The following ST6GAL1 variants were observed in gnomAD, a reference collection of about 807,000 sequenced individuals.
The protein encoded by ST6GAL1 is ST6 beta-galactoside alpha-2,6-sialyltransferase 1, also known as beta-galactoside alpha-2,6-sialyltransferase 1.
ST6GAL1 carries 20 observed loss-of-function variants against 38.0 expected under a neutral mutation model. That is an observed-to-expected ratio of 0.53 (90% CI 0.37 to 0.77). The LOEUF (loss-of-function observed/expected upper bound fraction) is 0.77. Ranked by LOEUF, ST6GAL1 falls within the 30% of genes least tolerant of loss-of-function variation. ST6GAL1 has a pLI of 0.00. For missense variants in ST6GAL1, 432 were observed against 496.4 expected, an observed-to-expected ratio of 0.87 and a Z score of 1.23; for synonymous variants, 196 against 188.2, an observed-to-expected ratio of 1.04 and a Z score of -0.34.
At chr3:187,055,901 T>A (rs921639666) in intron 5 of ST6GAL1, among the ~76,000 whole-genome samples, 3 of 152,162 alleles carry the variant, frequency 2.0e-5, no homozygotes, top group Non-Finnish European at 4.4e-5. Flanking sequence ...ATATTGACAG[T>A]GGGGTGTTGA....
intron 5 of ST6GAL1, among the ~76,000 whole-genome samples, chr3:187,066,826 G>A (rs982399555): frequency 3.3e-5 from 5 of 152,120 alleles, no homozygotes; most frequent in South Asian, 4.2e-4. Context: ...CCCCCTAAGA[G>A]GATCTCCAAA....
chr3:186,977,887 G>C (rs1209107317), intron 2 of ST6GAL1, among the ~76,000 whole-genome samples: 1 of 152,224 alleles, frequency 6.6e-6, no homozygotes, highest in African/African-American at 2.4e-5. Context: ...CCTTTGAAGT[G>C]AATGGGACTT....
chr3:187,008,347 GAGAAAGAAAGA>G (rs1716848650), intron 2 of ST6GAL1, among the ~76,000 whole-genome samples: 1 of 150,652 alleles, frequency 6.6e-6, no homozygotes, highest in South Asian at 2.1e-4. Flanking sequence ...TCAAGAAAGA[GAGAAAGAAAGA>G]AAAAAGAGAA....
Position 187,075,774 on chromosome 3 carries a change from C to A in ST6GAL1, c.1192C>A (p.Leu398Met). 1.2e-6 allele frequency: 2 copies of A among 1,614,258 alleles called. No homozygotes were observed. Among genetic ancestry groups the A allele is most frequent in the Non-Finnish European group, 1.7e-6 (2 of 1,180,038 alleles). ...EDIYLLGKAT[L>M]PGFRTIHC is the part of the protein sequence containing the mutation. ...CATCTACCTGCTTGGAAAAGCCACA[C>A]TGCCTGGCTTCCGGACCATTCACTG... is the stretch of plus-strand genomic sequence containing the variant. The change falls in exon 8 of 8, where the codon CTG (leucine) becomes ATG (methionine). Residue 398 changes from leucine to methionine, a missense_variant. Coordinates refer to ENST00000169298, the MANE Select transcript of ST6GAL1 (RefSeq NM_173216.2). The surrounding 1 kb of genome is among the most constrained non-coding windows in gnomAD (Gnocchi z 4.1).
chr3:186,940,095 C>T (rs1714111685), intron 1 of ST6GAL1, among the ~76,000 whole-genome samples: 2 of 152,208 alleles, frequency 1.3e-5, no homozygotes, highest in Admixed American at 6.5e-5. Context: ...TATTTCAAGA[C>T]CTGGACTGTG....
At chr3:186,993,149 G>A (rs1423827232) in intron 2 of ST6GAL1, among the ~76,000 whole-genome samples, 3 of 152,186 alleles carry the variant, frequency 2.0e-5, no homozygotes, top group African/African-American at 4.8e-5. Flanking sequence ...GCCTTTGCAG[G>A]TACTCGATAA....
At chr3:187,054,219 TA>T (rs1718612036) in intron 5 of ST6GAL1, among the ~76,000 whole-genome samples, 1 of 152,204 alleles carries the variant, frequency 6.6e-6, no homozygotes, top group South Asian at 2.1e-4. Context: ...TGGGTTTTTC[TA>T]AATATACAAT....
At chr3:186,998,260 A>G (rs1297909395) in intron 2 of ST6GAL1, among the ~76,000 whole-genome samples, 1 of 152,234 alleles carries the variant, frequency 6.6e-6, no homozygotes, top group Non-Finnish European at 1.5e-5. Context: ...AAATCCACGT[A>G]TAACTTTTGA....
chr3:187,076,943 ACC>A lies in ST6GAL1; in HGVS notation c.*1141_*1142del, dbSNP rs1229351355. ...ACCAGTCCCATTCTTCCTTTTCAAT[ACC>A]TACCCCCAAATCTTCTCCTAACCAC... On this transcript the variant is annotated 3_prime_UTR_variant, in exon 8 of 8. Transcript: ENST00000169298. 62 of 395,178 alleles carry A rather than the reference ACC, an allele frequency of 1.6e-4. No homozygotes were observed. In the East Asian group the frequency reaches 1.7e-3, roughly 11 times the overall value. The allele number at this position is 395,178 out of a possible 1,614,324, so 24.5% of individuals were successfully genotyped here. A position where few individuals can be genotyped will look rare whatever the true frequency, so the allele number is the denominator to read the frequency against.
intron 2 of ST6GAL1, among the ~76,000 whole-genome samples, chr3:186,980,785 A>G (rs1715673823): frequency 6.9e-6 from 1 of 144,718 alleles, no homozygotes; most frequent in African/African-American, 2.5e-5. Context: ...AAAAAAAAAG[A>G]TAGAAGTCAA....
chr3:186,959,055 T>C (rs1714846068), intron 1 of ST6GAL1, among the ~76,000 whole-genome samples: 1 of 152,002 alleles, frequency 6.6e-6, no homozygotes, highest in African/African-American at 2.4e-5. Context: ...GCACCTAAAA[T>C]AGGCACCCAA....
At chr3:186,975,243 T>C (rs770521919) in intron 2 of ST6GAL1, among the ~76,000 whole-genome samples, 1 of 152,148 alleles carries the variant, frequency 6.6e-6, no homozygotes, top group Non-Finnish European at 1.5e-5. Context: ...CCTTGTATAC[T>C]AGACTGAGAG....
intron 1 of ST6GAL1, among the ~76,000 whole-genome samples, chr3:186,932,626 C>CAGG (rs1713800213): frequency 6.6e-6 from 1 of 152,214 alleles, no homozygotes; most frequent in Non-Finnish European, 1.5e-5. Context: ...ATCCTTGTGC[C>CAGG]AGGAGGCCTT....
intron 1 of ST6GAL1, among the ~76,000 whole-genome samples, chr3:186,934,259 A>G (rs1238043762): frequency 6.6e-6 from 1 of 151,900 alleles, no homozygotes; most frequent in African/African-American, 2.4e-5. Context: ...AGGCTGGGCC[A>G]GGTGTGGTGG....
At chr3:186,982,294 A>T (rs887872064) in intron 2 of ST6GAL1, among the ~76,000 whole-genome samples, 2 of 152,240 alleles carry the variant, frequency 1.3e-5, no homozygotes, top group African/African-American at 4.8e-5. Context: ...CTACATTCCC[A>T]TCTAACATCA....
intron 1 of ST6GAL1, among the ~76,000 whole-genome samples, chr3:186,933,316 G>A (rs1182066499): frequency 6.6e-6 from 1 of 152,152 alleles, no homozygotes; most frequent in Non-Finnish European, 1.5e-5. Context: ...TCTTCAGGTA[G>A]GGGACCAACC....
chr3:186,989,323 A>C (rs1716070204), intron 2 of ST6GAL1, among the ~76,000 whole-genome samples: 1 of 152,210 alleles, frequency 6.6e-6, no homozygotes, highest in African/African-American at 2.4e-5. Context: ...CAGGAAATGG[A>C]TACTTAGGGG....
chr3:187,017,571 T>A (rs538763256), intron 2 of ST6GAL1, among the ~76,000 whole-genome samples: 1 of 152,258 alleles, frequency 6.6e-6, no homozygotes, highest in South Asian at 2.1e-4. Flanking sequence ...TCCCTTCCCC[T>A]TTTTCTTTGT....
At chr3:187,003,238 G>T (rs2108554061) in intron 2 of ST6GAL1, among the ~76,000 whole-genome samples, 1 of 152,340 alleles carries the variant, frequency 6.6e-6, no homozygotes, top group African/African-American at 2.4e-5. Flanking sequence ...GACAGGAGGA[G>T]CTCCCTCTTA....
Sources: allele counts gnomAD v4.1 joint callset (sites outside exome capture counted in the v4.1 genomes callset), GRCh38; gene constraint gnomAD v4.1.1; non-coding constraint Gnocchi (gnomAD v3.1); transcripts MANE v1.5; gene names NCBI Gene and HGNC (gene_info 2026-07-23, HGNC 2026-07-21).